Variants in SYNJ2 observed in about 807,000 individuals in gnomAD.
SYNJ2 encodes polyphosphatidylinositol phosphatase SYNJ2.
Under a neutral mutation model 141.3 loss-of-function variants are expected in SYNJ2, and 116 were observed. The observed-to-expected ratio is 0.82, with a 90% CI of 0.71 to 0.96. The LOEUF (loss-of-function observed/expected upper bound fraction) is 0.96. SYNJ2 is among the 40% of genes least tolerant of loss of function. The probability of loss-of-function intolerance (pLI) is 0.00; values close to 1 mark genes in which losing one functional copy is unlikely to be tolerated. For synonymous variants in SYNJ2, 745 were observed against 777.7 expected, an observed-to-expected ratio of 0.96 and a Z score of 0.70; for missense variants, 1,873 against 1,934.8, an observed-to-expected ratio of 0.97 and a Z score of 0.60.
chr6:158,096,057 A>G lies in SYNJ2; in HGVS notation c.4184A>G (p.Asp1395Gly). The change falls in exon 27 of 27, where the codon GAT becomes GGT. Residue 1395 changes from aspartate to glycine, a missense_variant. Transcript: ENST00000355585. ...STSSATSPDSDGTKAMKPEAA... is the reference protein window; with the variant it reads ...STSSATSPDSGGTKAMKPEAA... ...TCATCTGCTACAAGCCCCGACAGCG[A>G]TGGCACCAAAGCGATGAAGCCAGAG... 6.2e-7 allele frequency: 1 copy of G among 1,614,206 alleles called. No homozygotes were observed. Among genetic ancestry groups the G allele is most frequent in the Non-Finnish European group, 8.5e-7 (1 of 1,180,036 alleles).
intron 26 of SYNJ2, among the ~76,000 whole-genome samples, chr6:158,093,649 G>A (rs528313703): frequency 6.6e-6 from 1 of 152,156 alleles, no homozygotes; most frequent in African/African-American, 2.4e-5. Context: ...AGTGTGACAA[G>A]AACAGCTTGG....
rs375731536 is a variant in SYNJ2, at chr6:158,065,957, CAT to C, written c.1526-484_1526-483del. On this transcript the variant is annotated intron_variant, in intron 11 of 26. Transcript: ENST00000355585. The stretch of plus-strand genomic sequence containing the variant: ...GCCTTAAGTCTGGGGCAAAACAAAA[CAT>C]ATCAGACATGCAGGCTGGAAGGCAG... Among the ~76,000 whole-genome samples the C allele has an allele frequency of 2.9e-3, 445 of 152,308 alleles. 2 individuals are homozygous for C. Among genetic ancestry groups the C allele is most frequent in the African/African-American group, 0.01 (424 of 41,566 alleles).
intron 5 of SYNJ2, among the ~76,000 whole-genome samples, chr6:158,049,683 G>A (rs1057113321): frequency 2.0e-5 from 3 of 152,224 alleles, no homozygotes; most frequent in Non-Finnish European, 2.9e-5. Context: ...GCCTGGTCAT[G>A]GTGTCCCTGA....
Position 158,071,509 on chromosome 6 carries a change from G to A in SYNJ2, c.1941-93G>A. The A allele has an allele frequency of 7.0e-7, 1 of 1,424,502 alleles. No homozygotes were observed. 88.2% of individuals were successfully genotyped at this position (1,424,502 alleles called of 1,614,324 possible). ...GATTTTGGAGCACTCAGAGCAGCAG[G>A]TCCCGAGCTGCTGCTGGGCCCTTCT... On this transcript the variant is annotated intron_variant, in intron 14 of 26. Transcript: ENST00000355585. This position sits in a 1 kb window ranked among gnomAD's most constrained non-coding sequence, Gnocchi z 4.3.
chr6:158,093,654 G>A (rs1350031115), intron 26 of SYNJ2, among the ~76,000 whole-genome samples: 3 of 152,190 alleles, frequency 2.0e-5, no homozygotes, highest in East Asian at 1.9e-4. Flanking sequence ...GACAAGAACA[G>A]CTTGGAGGTA....
At chr6:158,025,939 T>C (rs1779017597) in intron 2 of SYNJ2, among the ~76,000 whole-genome samples, 1 of 151,772 alleles carries the variant, frequency 6.6e-6, no homozygotes, top group African/African-American at 2.4e-5. Flanking sequence ...GCAACAAGAG[T>C]AAAACTCTGT....
At chr6:158,069,921 GAT>G (rs1390692826) in intron 14 of SYNJ2, among the ~76,000 whole-genome samples, 2 of 152,236 alleles carry the variant, frequency 1.3e-5, no homozygotes, top group African/African-American at 4.8e-5. Flanking sequence ...GGTGTTACAT[GAT>G]TGTCATCGCC....
intron 5 of SYNJ2, among the ~76,000 whole-genome samples, chr6:158,046,216 G>A (rs575839508): frequency 3.7e-4 from 56 of 152,132 alleles, no homozygotes; most frequent in African/African-American, 1.1e-3. Context: ...AAAGTGCTAG[G>A]ATTACAGGCG....
intron 1 of SYNJ2, among the ~76,000 whole-genome samples, chr6:157,989,120 A>G (rs1174637197): frequency 1.3e-5 from 2 of 152,112 alleles, no homozygotes; most frequent in African/African-American, 4.8e-5. Context: ...TCACTAGCCC[A>G]TTTTGCTTCA....
chr6:158,064,403 G>A (rs1368082262), intron 9 of SYNJ2, among the ~76,000 whole-genome samples, 198 bp from the exon 10 acceptor site: 1 of 152,146 alleles, frequency 6.6e-6, no homozygotes. Flanking sequence ...GGAGGGCTTG[G>A]GTGGACCCTA....
intron 1 of SYNJ2, among the ~76,000 whole-genome samples, chr6:158,015,441 T>A (rs984500043): frequency 5.9e-5 from 9 of 152,184 alleles, no homozygotes; most frequent in African/African-American, 2.2e-4. Context: ...GTGCATAGGA[T>A]TTGAGGATTA....
At chr6:157,987,140 C>A (rs1777237163) in intron 1 of SYNJ2, among the ~76,000 whole-genome samples, 3 of 151,502 alleles carry the variant, frequency 2.0e-5, no homozygotes, top group South Asian at 2.1e-4. Flanking sequence ...GCGTGTGCTA[C>A]CATGCCCGGC....
chr6:158,067,611 G>T (rs2128370154), intron 12 of SYNJ2: 4 of 985,438 alleles, frequency 4.1e-6, no homozygotes, highest in Non-Finnish European at 4.8e-6. Context: ...TTGTGGTTCA[G>T]GTTTTTGCCT....
At chr6:158,076,943 G>A (rs1234730774) in intron 17 of SYNJ2, among the ~76,000 whole-genome samples, 161 bp downstream of exon 17, 1 of 151,928 alleles carries the variant, frequency 6.6e-6, no homozygotes, top group Admixed American at 6.6e-5. Context: ...CCTAAGCTTT[G>A]GAAGTTGTGC....
At chr6:158,008,374 G>A (rs1221062810) in intron 1 of SYNJ2, among the ~76,000 whole-genome samples, 3 of 152,208 alleles carry the variant, frequency 2.0e-5, no homozygotes, top group African/African-American at 7.2e-5. Flanking sequence ...CAATAACCTA[G>A]GGCAGTGCTT....
At chr6:158,017,695 A>G (rs752197135) in intron 2 of SYNJ2, 8 of 504,936 alleles carry the variant, frequency 1.6e-5, no homozygotes, top group African/African-American at 9.7e-5. Context: ...GATTACAGCC[A>G]TGAGCCGCCG....
In SYNJ2 at chr6:158,033,634, G is replaced by A; in HGVS notation, c.665G>A (p.Gly222Asp). 1 of 1,612,952 alleles carries A rather than the reference G, an allele frequency of 6.2e-7. No homozygotes were observed. ...ERTGTRFHTR[G>D]VNDDGHVSNF... is the part of the protein sequence containing the mutation. ...ACAGGCACTCGCTTCCACACCCGTGGCGTGAACGACGACGGCCATGTGTCC... is the reference window on the plus strand; with the variant it reads ...ACAGGCACTCGCTTCCACACCCGTGACGTGAACGACGACGGCCATGTGTCC... Residue 222 changes from glycine (G) to aspartate (D), a missense_variant, in exon 4 of 27, where the codon GGC becomes GAC. Transcript: ENST00000355585.
Position 158,071,756 on chromosome 6 carries a change from G to A in SYNJ2, c.2095G>A (p.Asp699Asn). 6.2e-6 allele frequency: 10 copies of A among 1,613,846 alleles called. No homozygotes were observed. The highest frequency in any genetic ancestry group is 7.6e-6 in the Non-Finnish European group (9 of 1,180,042). Reference sequence around the variant, plus strand: ...GTCCCAGGTGAAGGAGCGGAATGAAGACTACAAGGAGATCACCCAGAAACT... The same window carrying A: ...GTCCCAGGTGAAGGAGCGGAATGAAAACTACAAGGAGATCACCCAGAAACT... ...GQSQVKERNE[D>N]YKEITQKLCF... Residue 699 changes from aspartate (D) to asparagine (N), a missense_variant, in exon 15 of 27, where the codon GAC (aspartate) becomes AAC (asparagine). By Grantham distance (23) the Asp-to-Asn change is conservative. Transcript: ENST00000355585. This position sits in a 1 kb window ranked among gnomAD's most constrained non-coding sequence, Gnocchi z 4.3.
intron 18 of SYNJ2, chr6:158,078,794 T>TTTC (rs1782487661): frequency 1.4e-5 from 2 of 145,932 alleles, no homozygotes; most frequent in East Asian, 4.0e-4. Context: ...CAACCTTTTT[T>TTTC]TTTTTTTTTT....
Sources: gnomAD v4.1 joint callset for allele counts (sites outside exome capture counted in the v4.1 genomes callset) on GRCh38, gnomAD v4.1.1 for gene constraint, Gnocchi (gnomAD v3.1) non-coding constraint, MANE v1.5 for transcripts, NCBI Gene and HGNC (gene_info 2026-07-23, HGNC 2026-07-21) for gene names.